DENND3: variants seen among roughly 807,000 people sequenced by gnomAD.
The protein encoded by DENND3 is DENN domain-containing protein 3.
A neutral mutation model predicts 135.1 loss-of-function variants in DENND3; 88 were observed. The observed-to-expected ratio is 0.65, with a 90% confidence interval of 0.55 to 0.78. The LOEUF is 0.78. Among genes scored for constraint, DENND3 ranks in the 30% least tolerant of loss-of-function variants. The pLI, the probability that DENND3 is intolerant of heterozygous loss-of-function variation, is 0.00. For synonymous variants in DENND3, 693 were observed against 712.3 expected (o/e 0.97, Z 0.43); for missense variants, 1,392 against 1,688.4 (o/e 0.82, Z 3.08).
intron 13 of DENND3, among the ~76,000 whole-genome samples, chr8:141,171,451 C>T (rs1293358727): frequency 6.6e-6 from 1 of 152,222 alleles, no homozygotes; most frequent in Non-Finnish European, 1.5e-5. Context: ...AGAAGCAAGA[C>T]GTCCATGGGC....
Position 141,155,904 on chromosome 8 carries a change from A to G in DENND3, c.1130A>G (p.Lys377Arg), listed in dbSNP as rs2154612995. Residue 377 changes from lysine to arginine, a missense_variant, in exon 8 of 23, where the codon AAG (lysine) becomes AGG (arginine). Coordinates refer to ENST00000519811, the MANE Select transcript of DENND3 (RefSeq NM_001352890.3). ...GATCATGGGAGCATCACCTACTCCA[A>G]GTCCACGGACGATAACGTGGACATT... ...NIDHGSITYS[K>R]STDDNVDIPD... 1.2e-6 allele frequency: 2 copies of G among 1,612,994 alleles called. No homozygotes were observed. Among genetic ancestry groups the G allele is most frequent in the East Asian group, 4.5e-5 (2 of 44,830 alleles).
In DENND3 at chr8:141,172,372, T is replaced by G. The variant is rs558164247; in HGVS notation, c.2276-2828T>G. On this transcript the variant is annotated intron_variant, in intron 13 of 22. Transcript: ENST00000519811. ...TGGCAGCTGCGGTGAGTGTTGCTTC[T>G]TGCCTGATGGGACTTCTTTGGTGTT... Among the ~76,000 whole-genome samples the G allele has an allele frequency of 3.9e-4, 60 of 152,290 alleles. 1 individual carries two copies. The highest frequency in any genetic ancestry group is 3.5e-3 in the South Asian group (17 of 4,832).
chr8:141,141,201 A>G lies in DENND3; in HGVS notation c.502-2A>G. 6.2e-7 allele frequency: 1 copy of G among 1,614,186 alleles called. No homozygotes were observed. The highest frequency in any genetic ancestry group is 8.5e-7 in the Non-Finnish European group (1 of 1,179,996). On this transcript the variant is annotated splice_acceptor_variant, in intron 3 of 22. Coordinates refer to ENST00000519811, the MANE Select transcript of DENND3 (RefSeq NM_001352890.3). LOFTEE classifies it high-confidence loss of function. The surrounding 1 kb of genome is among the most constrained non-coding windows in gnomAD (Gnocchi z 5.3). ...ACCATGTCGCTGTTGCTTTTCATGT[A>G]GGATGAGTACTGTTTCTACAATGGC...
rs1817843448 is a variant in DENND3, at chr8:141,144,687, C to T, written c.735+428C>T. ...GGAAGGTCAGACACGCCTTGTTATG[C>T]CCGCTCCCTTTTGGAGTTTAGGCAC... On this transcript the variant is annotated intron_variant, in intron 5 of 22. Coordinates refer to ENST00000519811, the MANE Select transcript of DENND3 (RefSeq NM_001352890.3). The surrounding 1 kb of genome is among the most constrained non-coding windows in gnomAD (Gnocchi z 4.4). 6.6e-6 allele frequency among the ~76,000 whole-genome samples: 1 copy of T among 152,156 alleles called. No homozygotes were observed. Among genetic ancestry groups the T allele is most frequent in the Admixed American group, 6.5e-5 (1 of 15,272 alleles).
intron 16 of DENND3, among the ~76,000 whole-genome samples, chr8:141,179,094 G>C (rs1204005320): frequency 4.6e-5 from 7 of 152,218 alleles, no homozygotes; most frequent in African/African-American, 1.4e-4. Flanking sequence ...ATTTCCTTGG[G>C]CACAGTTTGC....
chr8:141,170,030 T>C (rs1305408916), intron 13 of DENND3, among the ~76,000 whole-genome samples: 1 of 152,240 alleles, frequency 6.6e-6, no homozygotes, highest in Non-Finnish European at 1.5e-5. Context: ...GCCTCCATGC[T>C]CCCAGGCAGC....
intron 11 of DENND3, among the ~76,000 whole-genome samples, 161 bp downstream of exon 11, chr8:141,165,450 T>A (rs530819668): frequency 6.6e-6 from 1 of 152,062 alleles, no homozygotes; most frequent in South Asian, 2.1e-4. Context: ...CTTCTCTCCA[T>A]GTTTCTACTT....
At chr8:141,192,842 T>C (rs766325395) in intron 22 of DENND3, 179 bp downstream of exon 22, 4 of 1,542,158 alleles carry the variant, frequency 2.6e-6, no homozygotes, top group African/African-American at 2.7e-5. Context: ...GGTCACCATG[T>C]GCTGGTTTCA....
chr8:141,193,056 C>G (rs1013222591), intron 22 of DENND3: 1 of 434,602 alleles, frequency 2.3e-6, no homozygotes, highest in Admixed American at 4.0e-5. Context: ...CTTGGCGTGC[C>G]CTGGCTGTGG....
intron 18 of DENND3, 186 bp from the exon 19 acceptor site, chr8:141,188,800 A>G: frequency 1.5e-6 from 1 of 651,786 alleles, no homozygotes; most frequent in Non-Finnish European, 2.5e-6. Flanking sequence ...CGCGGAGAAC[A>G]AGGTTATGCA....
intron 7 of DENND3, among the ~76,000 whole-genome samples, chr8:141,155,024 A>G (rs1819276103): frequency 6.6e-6 from 1 of 152,190 alleles, no homozygotes; most frequent in Non-Finnish European, 1.5e-5. Flanking sequence ...GGCCAGTCCC[A>G]AAAGAACAAA....
intron 20 of DENND3, chr8:141,191,564 TCTCAC>T (rs1161321838): frequency 2.0e-5 from 3 of 152,244 alleles, no homozygotes; most frequent in Non-Finnish European, 4.4e-5. Flanking sequence ...CCAAACTGGT[TCTCAC>T]CTGTTTTTAC....
intron 18 of DENND3, chr8:141,185,505 T>G (rs1319130390): frequency 5.8e-6 from 3 of 517,616 alleles, no homozygotes; most frequent in Non-Finnish European, 9.9e-6. Context: ...TGGCTTTGAC[T>G]TTCTCATCTA....
chr8:141,147,931 G>A (rs535772483), intron 5 of DENND3, among the ~76,000 whole-genome samples: 3 of 152,292 alleles, frequency 2.0e-5, no homozygotes, highest in East Asian at 3.9e-4. Flanking sequence ...AGTCTGTATC[G>A]GGCTTGACTC....
At position 141,130,922 on chromosome 8, in the gene DENND3, C is replaced by T. The variant is rs924131244; in HGVS notation, c.102+2113C>T. On this transcript the variant is annotated intron_variant, in intron 1 of 22. Transcript: ENST00000519811. The surrounding 1 kb of genome is among the most constrained non-coding windows in gnomAD (Gnocchi z 4.2). ...GGCTGGTCTCAAACTCCTGACCTCA[C>T]GATCTGCCCGCCTCGGCCTCCCAAA... Among the ~76,000 whole-genome samples, 15 of 152,020 alleles carry T rather than the reference C, an allele frequency of 9.9e-5. No homozygotes were observed. Among genetic ancestry groups the T allele is most frequent in the African/African-American group, 1.9e-4 (8 of 41,388 alleles).
rs1196592697 is a variant in DENND3, at chr8:141,139,608, T to C, written c.501+1471T>C. On this transcript the variant is annotated intron_variant, in intron 3 of 22. Coordinates refer to ENST00000519811, the MANE Select transcript of DENND3 (RefSeq NM_001352890.3). The surrounding 1 kb of genome is among the most constrained non-coding windows in gnomAD (Gnocchi z 4.2). ...GTTCCAGATGAGAAAGGATCCACGA[T>C]GTTGGATCTTTCAGAAAAGCACCTT... 6.6e-6 allele frequency among the ~76,000 whole-genome samples: 1 copy of C among 152,194 alleles called. No individual in the cohort carries two copies. Among genetic ancestry groups the C allele is most frequent in the Non-Finnish European group, 1.5e-5 (1 of 68,030 alleles).
At position 141,175,455 on chromosome 8, in the gene DENND3, T is replaced by C; in HGVS notation, c.2531T>C (p.Ile844Thr). 5 of 1,614,164 alleles carry C rather than the reference T, an allele frequency of 3.1e-6. No homozygotes were observed. The highest frequency in any genetic ancestry group is 1.3e-5 in the African/African-American group (1 of 75,030). The change falls in exon 14 of 23, where the codon ATA (isoleucine) becomes ACA (threonine). Residue 844 changes from isoleucine (I) to threonine (T), a missense_variant. Ile to Thr is a moderately conservative substitution (Grantham distance 89). Transcript: ENST00000519811. The surrounding 1 kb of genome is among the most constrained non-coding windows in gnomAD (Gnocchi z 5.4). ...TTGGAGATTTCCACCTTCAGAAATA[T>C]AGAGGTAAGGACAGCACAGGCAGAC... ...GYLEISTFRN[I>T]EEVRRTTTTF...
chr8:141,191,756 G>A (rs1213128652), intron 20 of DENND3: 3 of 152,588 alleles, frequency 2.0e-5, no homozygotes, highest in Admixed American at 6.5e-5. Flanking sequence ...CGGTAGCGAC[G>A]TGGTTGGGTG....
At chr8:141,162,912 T>TAAAC (rs1035002129) in intron 9 of DENND3, among the ~76,000 whole-genome samples, 1 of 152,212 alleles carries the variant, frequency 6.6e-6, no homozygotes, top group Non-Finnish European at 1.5e-5. Flanking sequence ...AGACCCCGTC[T>TAAAC]AAACAAACAA....
Sources: gnomAD v4.1 joint callset for allele counts (sites outside exome capture counted in the v4.1 genomes callset) on GRCh38, gnomAD v4.1.1 for gene constraint, Gnocchi (gnomAD v3.1) non-coding constraint, MANE v1.5 for transcripts, NCBI Gene and HGNC (gene_info 2026-07-23, HGNC 2026-07-21) for gene names.